GALNT2: variants seen among roughly 807,000 people sequenced by gnomAD.
GALNT2 encodes polypeptide N-acetylgalactosaminyltransferase 2.
A neutral mutation model predicts 81.4 loss-of-function variants in GALNT2; 31 were observed. That is an observed-to-expected ratio of 0.38 (90% CI 0.29 to 0.51). GALNT2 has a LOEUF of 0.51. Among genes scored for constraint, GALNT2 ranks in the 20% least tolerant of loss-of-function variants. The pLI is 0.87. For synonymous variants in GALNT2, 303 were observed against 287.4 expected (o/e 1.05, Z -0.55); for missense variants, 629 against 765.7 (o/e 0.82, Z 2.11).
chr1:230,114,630 G>A (rs1420320149), intron 1 of GALNT2, among the ~76,000 whole-genome samples: 1 of 152,124 alleles, frequency 6.6e-6, no homozygotes, highest in Non-Finnish European at 1.5e-5. Flanking sequence ...GATGCCACCC[G>A]GCGAACTGGC....
chr1:230,190,881 A>G (rs1663501228), intron 2 of GALNT2, among the ~76,000 whole-genome samples: 1 of 152,222 alleles, frequency 6.6e-6, no homozygotes, highest in Non-Finnish European at 1.5e-5. Context: ...GGTTCCAGCC[A>G]GTATCCTGAG....
chr1:230,066,611 C>T (rs1447718118), upstream of GALNT2, among the ~76,000 whole-genome samples: 1 of 152,208 alleles, frequency 6.6e-6, no homozygotes, highest in African/African-American at 2.4e-5. Context: ...CTGCAGCAAG[C>T]AGCAGCAAAG....
intron 2 of GALNT2, 129 bp from the exon 3 acceptor site, chr1:230,203,008 T>C (rs1272775756): frequency 2.1e-6 from 2 of 972,846 alleles, no homozygotes; most frequent in Non-Finnish European, 3.1e-6. Context: ...AGCTAGTTTG[T>C]TGTTTAAAAT....
chr1:230,085,413 T>C (rs965030746), intron 1 of GALNT2, among the ~76,000 whole-genome samples: 1 of 152,192 alleles, frequency 6.6e-6, no homozygotes, highest in Non-Finnish European at 1.5e-5. Context: ...CCGTGGAGGC[T>C]GTTAGAGGAT....
At chr1:230,204,462 C>T (rs977231571) in intron 3 of GALNT2, among the ~76,000 whole-genome samples, 1 of 152,190 alleles carries the variant, frequency 6.6e-6, no homozygotes. Context: ...CTCCACCTTG[C>T]CCACCCCTTT....
chr1:230,257,854 C>A lies in GALNT2; in HGVS notation c.1136+2510C>A, dbSNP rs1183207735. Among the ~76,000 whole-genome samples, 1 of 152,078 alleles carries A rather than the reference C, an allele frequency of 6.6e-6. No individual in the cohort carries two copies. The highest frequency in any genetic ancestry group is 1.5e-5 in the Non-Finnish European group (1 of 68,032). ...TTACACAACTGCGCTGGCGTGCTGC[C>A]CCTACAGAAATAGGGAAAGCCTTGG... On this transcript the variant is annotated intron_variant, in intron 11 of 15. Coordinates refer to ENST00000366672, the MANE Select transcript of GALNT2 (RefSeq NM_004481.5). This position sits in a 1 kb window ranked among gnomAD's most constrained non-coding sequence, Gnocchi z 4.6.
At chr1:230,265,466 G>T (rs1455316347) in intron 14 of GALNT2, 99 bp downstream of exon 14, 44 of 1,531,736 alleles carry the variant, frequency 2.9e-5, no homozygotes, top group Non-Finnish European at 3.8e-5. Flanking sequence ...TTTCTCCTGG[G>T]ATGGGTGATG....
chr1:230,181,986 A>G (rs1202025466), intron 2 of GALNT2, among the ~76,000 whole-genome samples: 1 of 152,184 alleles, frequency 6.6e-6, no homozygotes, highest in African/African-American at 2.4e-5. Flanking sequence ...CTTTGGAGGA[A>G]TTGGTCCATT....
At chr1:230,262,713 G>A (rs772860518) in intron 12 of GALNT2, 48 bp downstream of exon 12, 15 of 1,457,988 alleles carry the variant, frequency 1.0e-5, no homozygotes, top group East Asian at 2.3e-5. Flanking sequence ...TTCTTGGGGT[G>A]TGGGGGTGGG....
intron 1 of GALNT2, among the ~76,000 whole-genome samples, chr1:230,148,742 A>G (rs1180990934): frequency 1.3e-5 from 2 of 151,578 alleles, no homozygotes; most frequent in Non-Finnish European, 2.9e-5. Flanking sequence ...GTGCACCACT[A>G]TGCCCAGCTA....
intron 1 of GALNT2, among the ~76,000 whole-genome samples, chr1:230,117,616 A>T (rs1031429405): frequency 1.3e-5 from 2 of 152,136 alleles, no homozygotes; most frequent in African/African-American, 4.8e-5. Flanking sequence ...TGAGTGGGGG[A>T]GTCAGAACAC....
At chr1:230,149,298 G>A (rs144514655) in intron 1 of GALNT2, among the ~76,000 whole-genome samples, 29 of 152,268 alleles carry the variant, frequency 1.9e-4, no homozygotes, top group Admixed American at 1.8e-3. Flanking sequence ...AGGACATTGC[G>A]AGGCCACCTA....
Position 230,275,012 on chromosome 1 carries a change from A to G in GALNT2, c.1560+448A>G, listed in dbSNP as rs1225465074. On this transcript the variant is annotated intron_variant, in intron 15 of 15. Coordinates refer to ENST00000366672, the MANE Select transcript of GALNT2 (RefSeq NM_004481.5). This position sits in a 1 kb window ranked among gnomAD's most constrained non-coding sequence, Gnocchi z 5.5. The stretch of plus-strand genomic sequence containing the variant: ...ATATATACATATATACATGCCACAT[A>G]TATACATATATACACGCCACATATA... 1.3e-5 allele frequency among the ~76,000 whole-genome samples: 2 copies of G among 151,756 alleles called. No individual in the cohort carries two copies. Among genetic ancestry groups the G allele is most frequent in the African/African-American group, 2.4e-5 (1 of 41,268 alleles).
chr1:230,059,801 C>A (rs986800593), intron 1 of GALNT2, among the ~76,000 whole-genome samples: 9 of 152,152 alleles, frequency 5.9e-5, no homozygotes, highest in African/African-American at 1.2e-4. Context: ...CATTCTCTCT[C>A]TATATTTTTC....
intron 1 of GALNT2, among the ~76,000 whole-genome samples, chr1:230,058,650 A>G (rs1256291017): frequency 6.6e-6 from 1 of 152,240 alleles, no homozygotes; most frequent in African/African-American, 2.4e-5. Flanking sequence ...TGCCTGGCAT[A>G]TGGTAAGCAC....
intron 1 of GALNT2, among the ~76,000 whole-genome samples, chr1:230,106,425 C>T (rs1340087990): frequency 6.6e-6 from 1 of 152,212 alleles, no homozygotes; most frequent in East Asian, 1.9e-4. Context: ...TGTGCTGAAA[C>T]TGCTGTTGGT....
intron 3 of GALNT2, among the ~76,000 whole-genome samples, chr1:230,207,021 C>T (rs973545101): frequency 6.6e-6 from 1 of 151,798 alleles, no homozygotes; most frequent in Non-Finnish European, 1.5e-5. Context: ...TTTTTCTCCA[C>T]AGTTCCTCTC....
At chr1:230,128,849 A>G (rs1661278692) in intron 1 of GALNT2, among the ~76,000 whole-genome samples, 1 of 152,192 alleles carries the variant, frequency 6.6e-6, no homozygotes, top group South Asian at 2.1e-4. Flanking sequence ...AGCCCCATCC[A>G]GGGCACCTGC....
intron 13 of GALNT2, chr1:230,263,722 G>C (rs1665948102): frequency 6.6e-6 from 1 of 152,316 alleles, no homozygotes; most frequent in Non-Finnish European, 1.5e-5. Context: ...TAAAGGGACT[G>C]TCAGGCAGGT....
Sources: gnomAD v4.1 joint callset for allele counts (sites outside exome capture counted in the v4.1 genomes callset) on GRCh38, gnomAD v4.1.1 for gene constraint, Gnocchi (gnomAD v3.1) non-coding constraint, MANE v1.5 for transcripts, NCBI Gene and HGNC (gene_info 2026-07-23, HGNC 2026-07-21) for gene names.